The following PLCXD2 variants were observed in gnomAD, a reference collection of about 807,000 sequenced individuals.
The protein encoded by PLCXD2 is phosphatidylinositol specific phospholipase C X domain containing 2, also known as PI-PLC X domain-containing protein 2.
Under a neutral mutation model 28.6 loss-of-function variants are expected in PLCXD2, and 21 were observed. That is an observed-to-expected ratio of 0.73 (90% CI 0.52 to 1.06). The LOEUF (loss-of-function observed/expected upper bound fraction) is 1.06. Among genes scored for constraint, PLCXD2 ranks in the 50% least tolerant of loss-of-function variants. The probability of loss-of-function intolerance (pLI) is 0.00; values close to 1 mark genes in which losing one functional copy is unlikely to be tolerated. For missense variants in PLCXD2, 369 were observed against 376.7 expected (o/e 0.98, Z 0.17); for synonymous variants, 140 against 150.1 (o/e 0.93, Z 0.49).
Position 111,708,355 on chromosome 3 carries a change from C to T in PLCXD2, c.593C>T (p.Thr198Met), listed in dbSNP as rs770445265. 4.3e-5 allele frequency: 69 copies of T among 1,613,876 alleles called. No individual in the cohort carries two copies. The highest frequency in any genetic ancestry group is 5.0e-5 in the Non-Finnish European group (59 of 1,180,022). The change falls in exon 2 of 5, where the codon ACG (threonine) becomes ATG (methionine). Residue 198 changes from threonine to methionine, a missense_variant. Transcript: ENST00000477665. ...CCAGCCTGCAGTGTGGAAAGTTTGA[C>T]GCTGCGAACTCTGTGGGAGAAGAAC...
intron 1 of PLCXD2, among the ~76,000 whole-genome samples, chr3:111,690,547 G>T (rs1170008835): frequency 6.6e-6 from 1 of 152,228 alleles, no homozygotes; most frequent in Admixed American, 6.5e-5. Context: ...GGCTTTAGCA[G>T]GTGTGTAAGC....
intron 3 of PLCXD2, among the ~76,000 whole-genome samples, chr3:111,720,336 T>C (rs984031486): frequency 4.6e-5 from 7 of 152,218 alleles, no homozygotes; most frequent in Non-Finnish European, 1.0e-4. Flanking sequence ...GGTTTCACCA[T>C]GTTTCCCAGG....
chr3:111,693,130 A>G (rs113651465), intron 1 of PLCXD2, among the ~76,000 whole-genome samples: 1,880 of 152,318 alleles, frequency 0.012, 14 homozygotes, highest in Non-Finnish European at 0.021. Context: ...CTTATTCTAG[A>G]TAAGACAATC....
In PLCXD2 at chr3:111,714,140, C is replaced by T; in HGVS notation, c.866+12C>T. On this transcript the variant is annotated intron_variant, in intron 3 of 4. Transcript: ENST00000477665. The stretch of plus-strand genomic sequence containing the variant: ...ACGCTGGTTCATAGGTAAGAATTTG[C>T]TTCCACCCCACAAGGAAAGCTTTTT... 1 of 1,610,162 alleles carries T rather than the reference C, an allele frequency of 6.2e-7. No homozygotes were observed. The highest frequency in any genetic ancestry group is 8.5e-7 in the Non-Finnish European group (1 of 1,177,892).
intron 1 of PLCXD2, among the ~76,000 whole-genome samples, chr3:111,688,745 GGTTTAAATTTT>G (rs1940832342): frequency 6.6e-6 from 1 of 151,874 alleles, no homozygotes; most frequent in Non-Finnish European, 1.5e-5. Context: ...TTTTGGGTAA[GGTTTAAATTTT>G]TTACTACACA....
At chr3:111,705,618 T>C (rs1941107297) in intron 1 of PLCXD2, among the ~76,000 whole-genome samples, 1 of 152,138 alleles carries the variant, frequency 6.6e-6, no homozygotes, top group Non-Finnish European at 1.5e-5. Context: ...CTACTTGACA[T>C]TTCCAACAAC....
intron 3 of PLCXD2, among the ~76,000 whole-genome samples, chr3:111,719,595 C>T (rs1941318760): frequency 6.6e-6 from 1 of 152,146 alleles, no homozygotes; most frequent in African/African-American, 2.4e-5. Flanking sequence ...CATGCAGCAA[C>T]GTGGATGAAT....
intron 1 of PLCXD2, among the ~76,000 whole-genome samples, chr3:111,696,539 G>A (rs1174590684): frequency 1.3e-5 from 2 of 152,034 alleles, no homozygotes; most frequent in Non-Finnish European, 2.9e-5. Flanking sequence ...AAAGATAGCC[G>A]CACCTGGTTT....
At chr3:111,710,414 C>T (rs1941184648) in intron 2 of PLCXD2, among the ~76,000 whole-genome samples, 1 of 152,110 alleles carries the variant, frequency 6.6e-6, no homozygotes. Flanking sequence ...CATGGATTAA[C>T]TCATTTGATC....
Position 111,674,785 on chromosome 3 carries a change from C to G in PLCXD2, c.-461C>G, listed in dbSNP as rs1940593155. ...GGGAGTGAGTAGCAGGCAGGCCCAGCTTGTGTACCAGCCCAGTGACATATA... is the reference window on the plus strand; with the variant it reads ...GGGAGTGAGTAGCAGGCAGGCCCAGGTTGTGTACCAGCCCAGTGACATATA... On this transcript the variant is annotated 5_prime_UTR_variant, in exon 1 of 5. Coordinates refer to ENST00000477665, the MANE Select transcript of PLCXD2 (RefSeq NM_001185106.1). 6.4e-6 allele frequency: 1 copy of G among 155,420 alleles called. No homozygotes were observed. The highest frequency in any genetic ancestry group is 2.4e-5 in the African/African-American group (1 of 41,530). 9.6% of individuals were successfully genotyped at this position (155,420 alleles called of 1,614,324 possible).
intron 3 of PLCXD2, among the ~76,000 whole-genome samples, chr3:111,720,393 C>T (rs144668744): frequency 1.2e-4 from 18 of 152,008 alleles, no homozygotes; most frequent in African/African-American, 1.7e-4. Context: ...CCTCAGCCCC[C>T]CAAAGTGCCG....
chr3:111,675,193 A>G lies in PLCXD2; in HGVS notation c.-53A>G. On this transcript the variant is annotated 5_prime_UTR_variant, in exon 1 of 5. Transcript: ENST00000477665. ...CGTCCACAGAGCCCAAGAAGTGATG[A>G]TCACTGAGTGAGTGGCACTGGGCTG... 1 of 1,577,208 alleles carries G rather than the reference A, an allele frequency of 6.3e-7. No individual in the cohort carries two copies. Among genetic ancestry groups the G allele is most frequent in the Non-Finnish European group, 8.6e-7 (1 of 1,156,404 alleles).
At chr3:111,720,043 G>A (rs1941324333) in intron 3 of PLCXD2, among the ~76,000 whole-genome samples, 1 of 152,174 alleles carries the variant, frequency 6.6e-6, no homozygotes, top group Non-Finnish European at 1.5e-5. Flanking sequence ...GTGACAGATT[G>A]ATGGATAGAT....
chr3:111,717,990 CTTT>C (rs62983461), intron 3 of PLCXD2, among the ~76,000 whole-genome samples: 22 of 148,660 alleles, frequency 1.5e-4, no homozygotes, highest in African/African-American at 4.9e-4. Context: ...GATTCCTTAC[CTTT>C]TTTTTTTTAC....
At chr3:111,690,240 G>A (rs1022265195) in intron 1 of PLCXD2, among the ~76,000 whole-genome samples, 1 of 152,202 alleles carries the variant, frequency 6.6e-6, no homozygotes, top group African/African-American at 2.4e-5. Context: ...TCTTTTGTTG[G>A]TTGTAATAAA....
At chr3:111,726,752 C>A (rs1468363665) in intron 3 of PLCXD2, 2 of 152,136 alleles carry the variant, frequency 1.3e-5, no homozygotes, top group African/African-American at 4.8e-5. Flanking sequence ...AAACTGCTTA[C>A]TTCAACTTAC....
intron 3 of PLCXD2, chr3:111,725,971 A>G (rs972971077): frequency 2.0e-5 from 8 of 397,804 alleles, no homozygotes; most frequent in African/African-American, 8.2e-5. Context: ...GTGATGTCCA[A>G]TACACTCTTA....
intron 1 of PLCXD2, among the ~76,000 whole-genome samples, chr3:111,687,870 A>G (rs1348825876): frequency 1.3e-5 from 2 of 151,942 alleles, no homozygotes; most frequent in Non-Finnish European, 2.9e-5. Context: ...TATTTCTAGT[A>G]GAGACCAGGT....
At chr3:111,719,665 T>G (rs1287198809) in intron 3 of PLCXD2, among the ~76,000 whole-genome samples, 1 of 152,170 alleles carries the variant, frequency 6.6e-6, no homozygotes, top group Non-Finnish European at 1.5e-5. Flanking sequence ...TTTTCATGGC[T>G]TATATGAAGT....
Sources: gnomAD v4.1 joint callset for allele counts (sites outside exome capture counted in the v4.1 genomes callset) on GRCh38, gnomAD v4.1.1 for gene constraint, MANE v1.5 for transcripts, NCBI Gene and HGNC (gene_info 2026-07-23, HGNC 2026-07-21) for gene names.